The following PLA2R1 variants were observed in gnomAD, a reference collection of about 807,000 sequenced individuals.
PLA2R1 encodes secretory phospholipase A2 receptor.
In PLA2R1, 158 loss-of-function variants were observed where a neutral mutation model predicts 195.9. That is an observed-to-expected ratio of 0.81 (90% CI 0.71 to 0.92). The LOEUF is 0.92. Ranked by LOEUF, PLA2R1 falls within the 40% of genes least tolerant of loss-of-function variation. The probability of loss-of-function intolerance (pLI) is 0.00; values close to 1 mark genes in which losing one functional copy is unlikely to be tolerated. For missense variants in PLA2R1, 1,626 were observed against 1,764.6 expected (o/e 0.92, Z 1.41); for synonymous variants, 586 against 598.2 (o/e 0.98, Z 0.30).
chr2:159,963,222 C>T (rs979435163), intron 20 of PLA2R1, among the ~76,000 whole-genome samples: 1 of 152,154 alleles, frequency 6.6e-6, no homozygotes, highest in Non-Finnish European at 1.5e-5. Flanking sequence ...AACTAATTGT[C>T]ACATACTGGA....
At chr2:160,061,019 A>G (rs1695915085) in intron 1 of PLA2R1, among the ~76,000 whole-genome samples, 1 of 152,232 alleles carries the variant, frequency 6.6e-6, no homozygotes, top group African/African-American at 2.4e-5. Context: ...GCCCCTGATT[A>G]AGCCTCCAGG....
rs1688046068 is a variant in PLA2R1 at position 159,955,768 on chromosome 2, TCA to T, written c.3081_3082del (p.Asn1027LysfsTer2). ...TCCATTTAGCCATGTTTCATAATCA[TCA>T]TTTTGTAAACCTATCCACACACTGG... On this transcript the variant is annotated frameshift_variant, in exon 22 of 30. Transcript: ENST00000283243. LOFTEE classifies it high-confidence loss of function. 9 of 1,593,518 alleles carry T rather than the reference TCA, an allele frequency of 5.6e-6. No homozygotes were observed. The South Asian group carries it at 8.9e-5, about 16-fold the overall frequency.
Position 159,949,952 on chromosome 2 carries a change from G to A in PLA2R1, c.3541-176C>T, listed in dbSNP as rs575207195. Among the ~76,000 whole-genome samples the A allele has an allele frequency of 6.6e-5, 10 of 152,296 alleles. No individual in the cohort carries two copies. The East Asian group carries it at 1.5e-3, about 24-fold the overall frequency. On this transcript the variant is annotated intron_variant, in intron 24 of 29. Transcript: ENST00000283243. ...AAACAGGAATATCTGCCACAAATGA[G>A]ATCTTTTTTGATTTTTAGGAATTCT... is the stretch of plus-strand genomic sequence containing the variant.
chr2:160,024,050 T>TA (rs1357780139), intron 6 of PLA2R1, among the ~76,000 whole-genome samples: 1 of 152,110 alleles, frequency 6.6e-6, no homozygotes, highest in Non-Finnish European at 1.5e-5. Flanking sequence ...CCACAGGCAC[T>TA]AAGCCCATTT....
rs1209166613 is a variant in PLA2R1 at position 159,945,922 on chromosome 2, A to ATC, written c.3968-841_3968-840insGA. On this transcript the variant is annotated intron_variant, in intron 27 of 29. Transcript: ENST00000283243. ...TTTGAAATATTCCATATATATATAT[A>ATC]ATCGATTTAAAGAAATCATTTGATA... 6 of 853,524 alleles carry ATC rather than the reference A, an allele frequency of 7.0e-6. No homozygotes were observed. In the East Asian group the frequency reaches 4.8e-4, roughly 69 times the overall value. 52.9% of individuals were successfully genotyped at this position (853,524 alleles called of 1,614,324 possible).
chr2:159,946,710 A>G, intron 27 of PLA2R1, 91 bp downstream of exon 27: 2 of 1,457,906 alleles, frequency 1.4e-6, no homozygotes, highest in Non-Finnish European at 1.8e-6. Flanking sequence ...AAACGTATCC[A>G]AGGAGAGTTT....
chr2:160,014,656 G>A (rs1028798772), intron 9 of PLA2R1, among the ~76,000 whole-genome samples: 2 of 152,204 alleles, frequency 1.3e-5, no homozygotes, highest in Non-Finnish European at 1.5e-5. Flanking sequence ...TGGAAAAGAT[G>A]TTGGTCTTGC....
chr2:159,944,319 C>A (rs781115359), intron 28 of PLA2R1, among the ~76,000 whole-genome samples: 5 of 152,194 alleles, frequency 3.3e-5, no homozygotes, highest in Non-Finnish European at 5.9e-5. Flanking sequence ...CTTTATAATA[C>A]TGACATCTAG....
At chr2:160,050,368 A>T (rs550732624) in intron 1 of PLA2R1, among the ~76,000 whole-genome samples, 2 of 152,200 alleles carry the variant, frequency 1.3e-5, no homozygotes, top group African/African-American at 4.8e-5. Context: ...GACTCACTTC[A>T]CCCATAAACC....
chr2:159,924,044 G>A, the PLA2R1 span, among the ~76,000 whole-genome samples: 1 of 134,126 alleles, frequency 7.5e-6, no homozygotes, highest in African/African-American at 2.6e-5. Context: ...TCTCTCTGGA[G>A]GTTCTGGAGG....
At chr2:160,047,053 T>C (rs1026899387) in intron 1 of PLA2R1, among the ~76,000 whole-genome samples, 11 of 152,222 alleles carry the variant, frequency 7.2e-5, no homozygotes, top group Admixed American at 6.5e-4. Flanking sequence ...CTAATATATA[T>C]GTTCAAATGT....
chr2:159,997,075 T>C (rs73967977), intron 11 of PLA2R1, among the ~76,000 whole-genome samples: 4,284 of 152,266 alleles, frequency 0.028, 184 homozygotes, highest in African/African-American at 0.092. Flanking sequence ...TCTTGCCTTT[T>C]AGCATGTCTT....
chr2:160,008,199 G>A (rs1217135068), intron 10 of PLA2R1, among the ~76,000 whole-genome samples: 1 of 152,118 alleles, frequency 6.6e-6, no homozygotes, highest in Non-Finnish European at 1.5e-5. Flanking sequence ...CCAGCTACTC[G>A]GGAGGTCGAG....
rs1457920890 is a variant in PLA2R1 at position 159,934,072 on chromosome 2, T to G, written c.*7706A>C. 6.6e-6 allele frequency: 1 copy of G among 152,194 alleles called. No homozygotes were observed. Among genetic ancestry groups the G allele is most frequent in the Non-Finnish European group, 1.5e-5 (1 of 68,038 alleles). The allele number at this position is 152,194 out of a possible 1,614,324, so 9.4% of individuals were successfully genotyped here. On this transcript the variant is annotated 3_prime_UTR_variant, in exon 30 of 30. Coordinates refer to ENST00000283243, the MANE Select transcript of PLA2R1 (RefSeq NM_007366.5). ...AGGTGGGGAAAGAGGGAATAAATAT[T>G]CCAAGCATGTATCTTGATAATCACT...
intron 11 of PLA2R1, among the ~76,000 whole-genome samples, chr2:160,004,252 C>A (rs1187936010): frequency 3.3e-5 from 5 of 152,186 alleles, no homozygotes; most frequent in Non-Finnish European, 7.4e-5. Context: ...CTCTGGGACA[C>A]CAGACATAAA....
intron 20 of PLA2R1, 43 bp from the exon 21 acceptor site, chr2:159,956,670 T>C (rs1254041783): frequency 2.6e-6 from 3 of 1,137,430 alleles, no homozygotes; most frequent in Admixed American, 3.6e-5. Flanking sequence ...TCTGTATCTT[T>C]CTAAGTGAAT....
intron 9 of PLA2R1, among the ~76,000 whole-genome samples, chr2:160,013,945 C>T (rs1326706032): frequency 6.6e-6 from 1 of 151,950 alleles, no homozygotes. Context: ...TTCTGAGAAT[C>T]AGAGAAGGAC....
rs1239544217 is a variant in PLA2R1 at position 159,934,192 on chromosome 2, T to C, written c.*7586A>G. The C allele has an allele frequency of 1.3e-5, 2 of 152,216 alleles. No individual in the cohort carries two copies. The highest frequency in any genetic ancestry group is 2.9e-5 in the Non-Finnish European group (2 of 68,040). 9.4% of individuals were successfully genotyped at this position (152,216 alleles called of 1,614,324 possible). ...AAATTTTTCTTCTCCAAGAACAAAATGGAAACTAAGTGAGTTTTTCCCTGC... is the reference window on the plus strand; with the variant it reads ...AAATTTTTCTTCTCCAAGAACAAAACGGAAACTAAGTGAGTTTTTCCCTGC... On this transcript the variant is annotated 3_prime_UTR_variant, in exon 30 of 30. Coordinates refer to ENST00000283243, the MANE Select transcript of PLA2R1 (RefSeq NM_007366.5).
At chr2:160,007,037 T>G (rs1692030764) in intron 10 of PLA2R1, among the ~76,000 whole-genome samples, 1 of 152,228 alleles carries the variant, frequency 6.6e-6, no homozygotes, top group Admixed American at 6.5e-5. Flanking sequence ...TCGTCATACT[T>G]TAGTAAATAT....
Sources: allele counts gnomAD v4.1 joint callset (sites outside exome capture counted in the v4.1 genomes callset), GRCh38; gene constraint gnomAD v4.1.1; transcripts MANE v1.5; gene names NCBI Gene and HGNC (gene_info 2026-07-23, HGNC 2026-07-21).